The following GLDN variants were observed in gnomAD, a reference collection of about 807,000 sequenced individuals.
The protein encoded by GLDN is gliomedin, also known as collomin.
A neutral mutation model predicts 56.5 loss-of-function variants in GLDN; 47 were observed. The ratio of observed to expected loss-of-function variants is 0.83; its 90% CI spans 0.66 to 1.06. The LOEUF is 1.06. GLDN is among the 50% of genes least tolerant of loss of function. GLDN has a pLI of 0.00. For missense variants in GLDN, 782 were observed against 714.3 expected (o/e 1.09, Z -1.08); for synonymous variants, 332 against 278.8 (o/e 1.19, Z -1.90).
chr15:51,362,502 A>AAAG (rs1555402737), intron 1 of GLDN, among the ~76,000 whole-genome samples: 8 of 148,398 alleles, frequency 5.4e-5, no homozygotes, highest in African/African-American at 1.8e-4. Context: ...AAAAAAAAAA[A>AAAG]AAAGAAAGAA....
intron 1 of GLDN, among the ~76,000 whole-genome samples, chr15:51,343,177 T>C (rs1333953559): frequency 6.6e-6 from 1 of 152,256 alleles, no homozygotes; most frequent in Non-Finnish European, 1.5e-5. Flanking sequence ...CAGAAGCTTT[T>C]AAATAACTTA....
intron 6 of GLDN, among the ~76,000 whole-genome samples, chr15:51,398,040 A>G (rs2141127842): frequency 6.6e-6 from 1 of 152,368 alleles, no homozygotes; most frequent in East Asian, 1.9e-4. Flanking sequence ...GCACAGGGCT[A>G]TGTGCTTATT....
chr15:51,341,711 TG>T lies in GLDN; in HGVS notation c.31del (p.Asp11ThrfsTer34). The T allele has an allele frequency of 7.0e-7, 1 of 1,430,356 alleles. No homozygotes were observed. The highest frequency in any genetic ancestry group is 9.0e-7 in the Non-Finnish European group (1 of 1,106,914). The allele number at this position is 1,430,356 out of a possible 1,614,324, so 88.6% of individuals were successfully genotyped here. A position where few individuals can be genotyped will look rare whatever the true frequency, so the allele number is the denominator to read the frequency against. On this transcript the variant is annotated frameshift_variant, in exon 1 of 10. Transcript: ENST00000335449. LOFTEE classifies it high-confidence loss of function. Reference sequence around the variant, plus strand: ...TGGCCCGAGGCGCTGAGGGAGGCCGTGGGGACGCGGGTTGGGGCCTGCGTGG... The same window carrying T: ...TGGCCCGAGGCGCTGAGGGAGGCCGTGGGACGCGGGTTGGGGCCTGCGTGG... MARGAEGGR[G>X]DAGWGLRGAL... is the part of the protein sequence containing the mutation.
Position 51,341,917 on chromosome 15 carries a change from G to T in GLDN, c.233G>T (p.Gly78Val), listed in dbSNP as rs1234313611. The change falls in exon 1 of 10, where the codon GGG becomes GTG. Residue 78 changes from glycine to valine, a missense_variant. Gly to Val is a moderately radical substitution (Grantham distance 109). Coordinates refer to ENST00000335449, the MANE Select transcript of GLDN (RefSeq NM_181789.4). ...FLAELSRAPRGASAPPQDPAS... is the reference protein window; with the variant it reads ...FLAELSRAPRVASAPPQDPAS... ...GCCGAGTTGAGCCGCGCGCCGCGCG[G>T]GGCGTCCGCACCACCCCAAGACCCG... 7.5e-6 allele frequency: 12 copies of T among 1,594,390 alleles called. No individual in the cohort carries two copies. Among genetic ancestry groups the T allele is most frequent in the Non-Finnish European group, 1.0e-5 (12 of 1,178,062 alleles).
chr15:51,387,715 A>T (rs958794454), intron 4 of GLDN, among the ~76,000 whole-genome samples: 1 of 152,188 alleles, frequency 6.6e-6, no homozygotes, highest in Non-Finnish European at 1.5e-5. Context: ...TGCATTCCAC[A>T]AAAAGGGAAC....
chr15:51,389,079 C>T (rs1007014446), intron 4 of GLDN, among the ~76,000 whole-genome samples: 2 of 152,230 alleles, frequency 1.3e-5, no homozygotes, highest in Admixed American at 6.5e-5. Flanking sequence ...GTAGCTCTTG[C>T]CTTTACCCCT....
At chr15:51,359,938 C>T (rs1327552720) in intron 1 of GLDN, among the ~76,000 whole-genome samples, 1 of 147,158 alleles carries the variant, frequency 6.8e-6, no homozygotes, top group Non-Finnish European at 1.5e-5. Flanking sequence ...TAGATTGCGC[C>T]ACTGCACTCC....
chr15:51,355,122 T>C (rs1346001026), intron 1 of GLDN, among the ~76,000 whole-genome samples: 1 of 151,946 alleles, frequency 6.6e-6, no homozygotes, highest in Non-Finnish European at 1.5e-5. Context: ...TCAGGGTGAG[T>C]CCACAGAATA....
At chr15:51,397,726 C>A in intron 6 of GLDN, 128 bp downstream of exon 6, 1 of 1,203,988 alleles carries the variant, frequency 8.3e-7, no homozygotes, top group Non-Finnish European at 1.1e-6. Context: ...AATGAAAGTT[C>A]CCTTCTTGCA....
intron 1 of GLDN, chr15:51,367,550 G>A (rs979986110): frequency 6.6e-6 from 1 of 152,200 alleles, no homozygotes; most frequent in African/African-American, 2.4e-5. Flanking sequence ...CACTGCTAGA[G>A]GTTCCACCCA....
At chr15:51,358,851 A>C (rs553500050) in intron 1 of GLDN, among the ~76,000 whole-genome samples, 10 of 152,314 alleles carry the variant, frequency 6.6e-5, no homozygotes, top group African/African-American at 2.4e-4. Flanking sequence ...AGACATGGCC[A>C]CCCGAGGGAA....
At chr15:51,377,249 T>A in intron 1 of GLDN, 200 bp from the exon 2 acceptor site, 1 of 567,660 alleles carries the variant, frequency 1.8e-6, no homozygotes, top group Non-Finnish European at 3.1e-6. Context: ...ATTGTAATCT[T>A]ATGAAATCAC....
intron 1 of GLDN, among the ~76,000 whole-genome samples, chr15:51,361,534 T>TATGG (rs1457552293): frequency 3.9e-5 from 6 of 152,066 alleles, no homozygotes; most frequent in Non-Finnish European, 8.8e-5. Flanking sequence ...TGACATCAGG[T>TATGG]ATGGGTAAGA....
intron 5 of GLDN, among the ~76,000 whole-genome samples, chr15:51,395,646 G>A (rs1012407942): frequency 1.6e-4 from 24 of 152,128 alleles, no homozygotes; most frequent in African/African-American, 5.8e-4. Flanking sequence ...AGGGGCGGTG[G>A]ACTGAGCAGC....
chr15:51,357,344 C>T (rs1043012744), intron 1 of GLDN, among the ~76,000 whole-genome samples: 9 of 152,210 alleles, frequency 5.9e-5, no homozygotes, highest in Non-Finnish European at 8.8e-5. Context: ...AACCTTTGAT[C>T]GGGAGAAGAC....
chr15:51,383,503 A>C, intron 3 of GLDN, 50 bp downstream of exon 3: 1 of 1,605,500 alleles, frequency 6.2e-7, no homozygotes, highest in Non-Finnish European at 8.5e-7. Flanking sequence ...GGGTGGCCAG[A>C]CCCTAGGATC....
At chr15:51,398,527 C>T (rs528758390) in intron 6 of GLDN, among the ~76,000 whole-genome samples, 11 of 152,362 alleles carry the variant, frequency 7.2e-5, no homozygotes, top group African/African-American at 2.6e-4. Context: ...TGGAATTTCT[C>T]AGCCTTGCTG....
intron 1 of GLDN, among the ~76,000 whole-genome samples, chr15:51,362,561 G>A (rs1028149272): frequency 9.9e-5 from 15 of 151,792 alleles, no homozygotes; most frequent in Non-Finnish European, 1.9e-4. Flanking sequence ...AGGGACAAGA[G>A]ACCAGTTCAT....
chr15:51,363,964 C>A (rs772216131), intron 1 of GLDN, among the ~76,000 whole-genome samples: 1 of 152,084 alleles, frequency 6.6e-6, no homozygotes, highest in Non-Finnish European at 1.5e-5. Context: ...CTGCTGTTAT[C>A]CTTAGCTGTG....
Sources: gnomAD v4.1 joint callset for allele counts (sites outside exome capture counted in the v4.1 genomes callset) on GRCh38, gnomAD v4.1.1 for gene constraint, MANE v1.5 for transcripts, NCBI Gene and HGNC (gene_info 2026-07-23, HGNC 2026-07-21) for gene names.